The following PRH1 variants were observed in gnomAD, a reference collection of about 807,000 sequenced individuals.
PRH1 encodes salivary acidic proline-rich phosphoprotein 1/2.
PRH1 carries 7 observed loss-of-function variants against 7.9 expected under a neutral mutation model. That is an observed-to-expected ratio of 0.89 (90% confidence interval 0.50 to 1.67). The LOEUF (loss-of-function observed/expected upper bound fraction) is 1.67, where lower values mean the gene tolerates loss of function less well. Ranked by LOEUF, PRH1 falls within the 40% of genes most tolerant of loss-of-function variation. PRH1 has a pLI of 0.00. For missense variants in PRH1, 109 were observed against 223.6 expected (o/e 0.49, Z 3.27); for synonymous variants, 45 against 80.8 (o/e 0.56, Z 2.38).
chr12:11,144,330 G>A (rs1038548721), intron 1 of PRH1, among the ~76,000 whole-genome samples: 2 of 152,064 alleles, frequency 1.3e-5, no homozygotes, highest in Non-Finnish European at 2.9e-5. Context: ...GAGGATTATG[G>A]CTGCCTCTGC....
At chr12:11,126,106 A>G (rs980007431) in intron 1 of PRH1, among the ~76,000 whole-genome samples, 1 of 152,254 alleles carries the variant, frequency 6.6e-6, no homozygotes, top group Admixed American at 6.5e-5. Flanking sequence ...AAGGTACAGT[A>G]TAGAAAAAAA....
chr12:11,041,303 A>AC, intron 1 of PRH1, among the ~76,000 whole-genome samples: 6 of 146,994 alleles, frequency 4.1e-5, no homozygotes, highest in Non-Finnish European at 7.4e-5. Context: ...AAAAAAAAAA[A>AC]AAAAAAAACA....
At chr12:10,906,864 A>G (rs1345687781) in intron 2 of PRH1, among the ~76,000 whole-genome samples, 1 of 152,204 alleles carries the variant, frequency 6.6e-6, no homozygotes, top group Non-Finnish European at 1.5e-5. Context: ...GAGACTATAT[A>G]AAGAACATTT....
intron 1 of PRH1, among the ~76,000 whole-genome samples, chr12:11,080,272 T>C (rs1944457408): frequency 8.5e-6 from 1 of 117,126 alleles, no homozygotes; most frequent in Admixed American, 8.5e-5. Flanking sequence ...ATCAATATTA[T>C]GTATATGAAA....
intron 2 of PRH1, among the ~76,000 whole-genome samples, chr12:10,902,254 C>G (rs911898098): frequency 1.3e-5 from 2 of 151,780 alleles, no homozygotes; most frequent in Non-Finnish European, 2.9e-5. Flanking sequence ...CTCTCATAGA[C>G]TGGACCAAGC....
At chr12:10,894,840 CATA>C (rs1949621369) in intron 2 of PRH1, 1 of 152,040 alleles carries the variant, frequency 6.6e-6, no homozygotes, top group Non-Finnish European at 1.5e-5. Flanking sequence ...TATCATAGAA[CATA>C]ATGAGAAAAT....
chr12:10,889,172 G>A (rs1329976132), upstream of PRH1, among the ~76,000 whole-genome samples: 2 of 152,060 alleles, frequency 1.3e-5, no homozygotes, highest in Admixed American at 1.3e-4. Flanking sequence ...AACTTCATTT[G>A]GCTATTATTT....
At chr12:10,964,615 G>T (rs11054093) in intron 2 of PRH1, 9 of 455,296 alleles carry the variant, frequency 2.0e-5, no homozygotes, top group African/African-American at 1.8e-4. Context: ...AAATCGATGT[G>T]ATTAGGGACA....
intron 2 of PRH1, among the ~76,000 whole-genome samples, chr12:10,941,692 A>G (rs1236533710): frequency 6.6e-6 from 1 of 151,914 alleles, no homozygotes; most frequent in Non-Finnish European, 1.5e-5. Flanking sequence ...GATTAGCTTA[A>G]TAACTAACCT....
chr12:10,909,444 C>G (rs1236714636), intron 2 of PRH1: 2 of 617,384 alleles, frequency 3.2e-6, no homozygotes, highest in Non-Finnish European at 5.8e-6. Flanking sequence ...AACGTCAAAG[C>G]AGAAATCTCT....
intron 1 of PRH1, among the ~76,000 whole-genome samples, chr12:11,019,196 G>A (rs971212911): frequency 3.9e-5 from 6 of 152,264 alleles, no homozygotes; most frequent in Admixed American, 2.6e-4. Flanking sequence ...TCTCTTCCAC[G>A]GACTAATATT....
Position 10,939,002 on chromosome 12 carries a change from G to A in PRH1, c.-59+34653C>T, listed in dbSNP as rs748480793. ...GGCAAATAAAGCTGGGAAAAACACAGACACACACCAGCTTCCGAATATTAA... is the reference window on the plus strand; with the variant it reads ...GGCAAATAAAGCTGGGAAAAACACAAACACACACCAGCTTCCGAATATTAA... On this transcript the variant is annotated intron_variant, in intron 2 of 3. Transcript: ENST00000539853. 3 of 1,613,570 alleles carry A rather than the reference G, an allele frequency of 1.9e-6. No homozygotes were observed. In the Admixed American group the frequency reaches 5.0e-5, roughly 27 times the overall value.
chr12:10,890,302 C>CA (rs994204891), intron 2 of PRH1, among the ~76,000 whole-genome samples: 1 of 152,014 alleles, frequency 6.6e-6, no homozygotes, highest in African/African-American at 2.4e-5. Context: ...AATATCACAC[C>CA]ATACATACAG....
At chr12:10,938,146 A>C in intron 2 of PRH1, 1 of 733,628 alleles carries the variant, frequency 1.4e-6, no homozygotes, top group Non-Finnish European at 2.2e-6. Context: ...GATTCCAAGC[A>C]TATCTTTGTA....
chr12:10,997,738 T>A (rs752372396), intron 1 of PRH1: 1 of 1,613,936 alleles, frequency 6.2e-7, no homozygotes, highest in Non-Finnish European at 8.5e-7. Context: ...CAGCAATAAT[T>A]TGATCAGCTG....
chr12:11,101,002 G>T (rs149690714), intron 1 of PRH1, among the ~76,000 whole-genome samples: 2 of 151,768 alleles, frequency 1.3e-5, no homozygotes, highest in Non-Finnish European at 1.5e-5. Flanking sequence ...AATATCCATC[G>T]TACTATAATT....
At chr12:11,091,836 T>C (rs11526470) in intron 1 of PRH1, 291,100 of 1,056,516 alleles carry the variant, frequency 0.28, 125,457 homozygotes, top group Admixed American at 0.3. Context: ...CCCAACAACA[T>C]CACCAGAATG....
chr12:10,887,988 G>C (rs939029096), upstream of PRH1, among the ~76,000 whole-genome samples: 2 of 152,172 alleles, frequency 1.3e-5, no homozygotes, highest in Non-Finnish European at 2.9e-5. Context: ...GAGAAGCATA[G>C]TATGTATAAT....
chr12:11,081,611 C>T (rs1333864430), intron 1 of PRH1, among the ~76,000 whole-genome samples: 1 of 116,384 alleles, frequency 8.6e-6, no homozygotes, highest in African/African-American at 2.9e-5. Flanking sequence ...GTTGCTGGGT[C>T]ATCACCACAA....
Sources: allele counts gnomAD v4.1 joint callset (sites outside exome capture counted in the v4.1 genomes callset), GRCh38; gene constraint gnomAD v4.1.1; transcripts MANE v1.5; gene names NCBI Gene and HGNC (gene_info 2026-07-23, HGNC 2026-07-21).